Variants in SDCCAG8 observed in about 807,000 individuals in gnomAD.
SDCCAG8 encodes SHH signaling and ciliogenesis regulator SDCCAG8, also known as serologically defined colon cancer antigen 8.
SDCCAG8 carries 74 observed loss-of-function variants against 101.8 expected under a neutral mutation model. That is an observed-to-expected ratio of 0.73 (90% confidence interval 0.60 to 0.88). SDCCAG8 has a LOEUF of 0.88. Ranked by LOEUF, SDCCAG8 falls within the 40% of genes least tolerant of loss-of-function variation. The pLI, the probability that SDCCAG8 is intolerant of heterozygous loss-of-function variation, is 0.00. For missense variants in SDCCAG8, 787 were observed against 822.6 expected (o/e 0.96, Z 0.53); for synonymous variants, 281 against 292.9 (o/e 0.96, Z 0.41).
chr1:243,411,270 G>A (rs763622656), intron 13 of SDCCAG8, among the ~76,000 whole-genome samples: 3 of 151,282 alleles, frequency 2.0e-5, no homozygotes, highest in African/African-American at 4.9e-5. Flanking sequence ...ACACACCACC[G>A]CATCTGGCTA....
intron 15 of SDCCAG8, among the ~76,000 whole-genome samples, chr1:243,424,276 C>G (rs1188864876): frequency 6.6e-6 from 1 of 151,946 alleles, no homozygotes; most frequent in African/African-American, 2.4e-5. Context: ...ACAGAACTCC[C>G]ATATATTCCC....
At chr1:243,285,671 T>C (rs2069541613) in intron 4 of SDCCAG8, among the ~76,000 whole-genome samples, 1 of 152,244 alleles carries the variant, frequency 6.6e-6, no homozygotes, top group Non-Finnish European at 1.5e-5. Flanking sequence ...TTCTAATGAT[T>C]GTTGACCTGT....
chr1:243,378,069 A>G (rs1318828717), intron 12 of SDCCAG8, among the ~76,000 whole-genome samples: 1 of 151,770 alleles, frequency 6.6e-6, no homozygotes, highest in Non-Finnish European at 1.5e-5. Flanking sequence ...ATATATTCAT[A>G]TTTGTCTTAG....
intron 16 of SDCCAG8, among the ~76,000 whole-genome samples, chr1:243,434,409 A>G (rs1350365667): frequency 6.6e-6 from 1 of 152,374 alleles, no homozygotes; most frequent in South Asian, 2.1e-4. Context: ...TTTATATGCC[A>G]TTATTTTATA....
rs181201105 is a variant in SDCCAG8 at position 243,277,866 on chromosome 1, T to A, written c.420+3210T>A. On this transcript the variant is annotated intron_variant, in intron 4 of 17. Transcript: ENST00000366541. ...CCTGTTCCATTGATTAACTTGTCAA[T>A]TCTTTGGCCACTATCACTCTATCTT... 4.9e-4 allele frequency among the ~76,000 whole-genome samples: 74 copies of A among 152,354 alleles called. 1 individual carries two copies. The highest frequency in any genetic ancestry group is 1.8e-3 in the African/African-American group (74 of 41,580).
intron 1 of SDCCAG8, among the ~76,000 whole-genome samples, chr1:243,265,012 G>A (rs1244463163): frequency 6.6e-6 from 1 of 152,188 alleles, no homozygotes; most frequent in Non-Finnish European, 1.5e-5. Context: ...TTCCTTAAAT[G>A]TAAGGAGCAG....
chr1:243,378,470 T>C (rs563653351), intron 12 of SDCCAG8, among the ~76,000 whole-genome samples: 10 of 152,332 alleles, frequency 6.6e-5, no homozygotes, highest in Admixed American at 2.0e-4. Flanking sequence ...AGTGCAATTA[T>C]CCACTTTGAC....
intron 16 of SDCCAG8, among the ~76,000 whole-genome samples, chr1:243,440,963 GT>G (rs577901512): frequency 1.0e-3 from 159 of 152,060 alleles, no homozygotes; most frequent in Non-Finnish European, 1.9e-3. Context: ...CTGGGCTTTT[GT>G]TTTCTAGAAA....
chr1:243,484,590 T>C (rs1052325231), intron 16 of SDCCAG8, among the ~76,000 whole-genome samples: 6 of 152,244 alleles, frequency 3.9e-5, no homozygotes, highest in Non-Finnish European at 8.8e-5. Flanking sequence ...AGGCTTCTCA[T>C]CTGCAATATT....
intron 8 of SDCCAG8, among the ~76,000 whole-genome samples, chr1:243,314,656 G>A (rs2073073051): frequency 6.6e-6 from 1 of 152,188 alleles, no homozygotes; most frequent in African/African-American, 2.4e-5. Flanking sequence ...AAGTTTGTTA[G>A]ATTTTTATCC....
At chr1:243,449,505 T>C (rs147146804) in intron 16 of SDCCAG8, among the ~76,000 whole-genome samples, 1 of 152,362 alleles carries the variant, frequency 6.6e-6, no homozygotes, top group African/African-American at 2.4e-5. Flanking sequence ...AACACGTTTC[T>C]TCTTTCACAT....
chr1:243,371,745 AG>A (rs1293605146), intron 12 of SDCCAG8, among the ~76,000 whole-genome samples: 16 of 152,104 alleles, frequency 1.1e-4, no homozygotes, highest in Non-Finnish European at 2.2e-4. Flanking sequence ...TCTAGCTTGG[AG>A]AATGAGTCTT....
chr1:243,316,404 C>T (rs2149330956), intron 8 of SDCCAG8, among the ~76,000 whole-genome samples: 1 of 152,330 alleles, frequency 6.6e-6, no homozygotes, highest in South Asian at 2.1e-4. Context: ...CCTTGATTTA[C>T]AATTCGTACC....
chr1:243,262,221 C>G (rs2067250185), intron 1 of SDCCAG8, among the ~76,000 whole-genome samples: 1 of 148,452 alleles, frequency 6.7e-6, no homozygotes, highest in Non-Finnish European at 1.5e-5. Context: ...ATTCTCCTGC[C>G]TCAGCCTCCC....
intron 12 of SDCCAG8, among the ~76,000 whole-genome samples, chr1:243,353,152 T>C (rs1195681964): frequency 6.6e-6 from 1 of 151,966 alleles, no homozygotes; most frequent in Non-Finnish European, 1.5e-5. Context: ...GCAAAAGGCA[T>C]GGGAATTTGG....
At chr1:243,270,012 T>G (rs2067956737) in intron 1 of SDCCAG8, 93 bp from the exon 2 acceptor site, 2 of 1,555,914 alleles carry the variant, frequency 1.3e-6, no homozygotes, top group South Asian at 2.3e-5. Flanking sequence ...CGAGAAATAA[T>G]GATTTCACCT....
At chr1:243,279,142 G>T (rs1396295713) in intron 4 of SDCCAG8, among the ~76,000 whole-genome samples, 1 of 152,126 alleles carries the variant, frequency 6.6e-6, no homozygotes, top group African/African-American at 2.4e-5. Flanking sequence ...TTTTTGGAAT[G>T]ATGTTGAATG....
At chr1:243,486,102 T>C (rs1206034671) in intron 16 of SDCCAG8, among the ~76,000 whole-genome samples, 1 of 140,912 alleles carries the variant, frequency 7.1e-6, no homozygotes, top group Non-Finnish European at 1.5e-5. Context: ...CTCGGGAGGC[T>C]GAGACAGGAG....
intron 17 of SDCCAG8, among the ~76,000 whole-genome samples, chr1:243,497,076 C>T (rs1017682788): frequency 3.3e-5 from 5 of 152,188 alleles, no homozygotes; most frequent in Non-Finnish European, 5.9e-5. Flanking sequence ...GGCATACGCA[C>T]GCTCTACTCT....
Sources: gnomAD v4.1 joint callset for allele counts (sites outside exome capture counted in the v4.1 genomes callset) on GRCh38, gnomAD v4.1.1 for gene constraint, MANE v1.5 for transcripts, NCBI Gene and HGNC (gene_info 2026-07-23, HGNC 2026-07-21) for gene names.